BCO2: variants seen among roughly 807,000 people sequenced by gnomAD.
BCO2 encodes beta-carotene oxygenase 2, also known as carotenoid-cleaving dioxygenase, mitochondrial.
In BCO2, 56 loss-of-function variants were observed where a neutral mutation model predicts 65.8. The observed-to-expected ratio is 0.85, with a 90% CI of 0.69 to 1.06. The LOEUF is 1.06. Ranked by LOEUF, BCO2 falls within the 50% of genes least tolerant of loss-of-function variation. The pLI, the probability that BCO2 is intolerant of heterozygous loss-of-function variation, is 0.00. For synonymous variants in BCO2, 233 were observed against 242.3 expected (o/e 0.96, Z 0.36); for missense variants, 675 against 698.5 (o/e 0.97, Z 0.38).
chr11:112,184,667 T>C (rs1171564424), intron 2 of BCO2, among the ~76,000 whole-genome samples: 4 of 152,162 alleles, frequency 2.6e-5, no homozygotes, highest in African/African-American at 9.7e-5. Flanking sequence ...TCAGCACCTG[T>C]GATTCTTTTA....
chr11:112,200,516 A>G (rs1007962812), intron 6 of BCO2, 97 bp from the exon 7 acceptor site: 2 of 1,067,562 alleles, frequency 1.9e-6, no homozygotes, highest in Non-Finnish European at 2.7e-6. Context: ...GGCATCAGTA[A>G]CGTGTCCAGG....
At position 112,217,817 on chromosome 11, in the gene BCO2, A is replaced by T; in HGVS notation, c.1683A>T (p.Arg561=). 2 of 1,614,206 alleles carry T rather than the reference A, an allele frequency of 1.2e-6. No individual in the cohort carries two copies. Among genetic ancestry groups the T allele is most frequent in the Non-Finnish European group, 1.7e-6 (2 of 1,180,018 alleles). Residue 561 remains arginine (R), a synonymous_variant, in exon 12 of 12, where the codon CGA becomes CGT. Transcript: ENST00000357685. ...CCAAGAACTTTGAAGAGCTGGGCCG[A>T]GCAGAGGTACCTGTGCAGATGCCTT... ...LDAKNFEELG[R]AEVPVQMPYG...
chr11:112,176,514 T>TTGCG (rs1866884732), intron 1 of BCO2: 1 of 2,544 alleles, frequency 3.9e-4, no homozygotes, highest in Non-Finnish European at 1.5e-3. Context: ...GAAAATTGAT[T>TTGCG]GGCGGGGGGG....
At chr11:112,216,898 G>T (rs1189318748) in intron 11 of BCO2, among the ~76,000 whole-genome samples, 2 of 152,204 alleles carry the variant, frequency 1.3e-5, no homozygotes, top group Non-Finnish European at 1.5e-5. Flanking sequence ...TGCCTGGGGT[G>T]CAGGGCTCTG....
intron 5 of BCO2, among the ~76,000 whole-genome samples, chr11:112,197,321 G>A (rs1212956870): frequency 6.6e-6 from 1 of 152,112 alleles, no homozygotes; most frequent in Non-Finnish European, 1.5e-5. Flanking sequence ...GGCCAAGGCG[G>A]GTGTATTGCT....
intron 5 of BCO2, among the ~76,000 whole-genome samples, chr11:112,196,889 G>A (rs1867592806): frequency 2.2e-5 from 3 of 138,086 alleles, no homozygotes. Context: ...TCTCTTCCTT[G>A]TTCTCCTTCC....
chr11:112,196,911 TCCTTCCTTC>T (rs1867595184), intron 5 of BCO2, among the ~76,000 whole-genome samples: 1 of 127,086 alleles, frequency 7.9e-6, no homozygotes, highest in Non-Finnish European at 1.7e-5. Context: ...TTCCTTCCTT[TCCTTCCTTC>T]CCTTCCCTTC....
rs567175399 is a variant in BCO2, at chr11:112,206,618, A to C, written c.1194+4428A>C. Among the ~76,000 whole-genome samples, 489 of 152,250 alleles carry C rather than the reference A, an allele frequency of 3.2e-3. 2 individuals are homozygous for C. The highest frequency in any genetic ancestry group is 0.011 in the African/African-American group (471 of 41,540). On this transcript the variant is annotated intron_variant, in intron 8 of 11. Coordinates refer to ENST00000357685, the MANE Select transcript of BCO2 (RefSeq NM_031938.7). The stretch of plus-strand genomic sequence containing the variant: ...TACAAAAAAATTTAAAAATATACAA[A>C]TTTTGAGTATAATTCCTTATTGGAT...
intron 5 of BCO2, among the ~76,000 whole-genome samples, chr11:112,198,364 T>C (rs1867637042): frequency 6.6e-6 from 1 of 151,712 alleles, no homozygotes; most frequent in Non-Finnish European, 1.5e-5. Context: ...AGGGGGGAGA[T>C]TTTTGTCTAT....
At chr11:112,209,233 G>A (rs1253149077) in intron 8 of BCO2, among the ~76,000 whole-genome samples, 4 of 152,098 alleles carry the variant, frequency 2.6e-5, no homozygotes, top group Admixed American at 6.5e-5. Flanking sequence ...ATCTCCCTGT[G>A]CTCCCCCATT....
chr11:112,187,016 G>A (rs1304041910), intron 2 of BCO2, among the ~76,000 whole-genome samples: 2 of 152,074 alleles, frequency 1.3e-5, no homozygotes, highest in African/African-American at 2.4e-5. Context: ...CTTCGACAAG[G>A]CCACATACTA....
At chr11:112,205,951 TTTAA>T (rs1024934697) in intron 8 of BCO2, among the ~76,000 whole-genome samples, 79 of 152,008 alleles carry the variant, frequency 5.2e-4, no homozygotes, top group African/African-American at 1.9e-3. Flanking sequence ...TTTATTTATT[TTTAA>T]TTAATTAATT....
chr11:112,196,909 T>TTTCC (rs372358287), intron 5 of BCO2, among the ~76,000 whole-genome samples: 1 of 138,150 alleles, frequency 7.2e-6, no homozygotes. Context: ...CTTTCCTTCC[T>TTTCC]TTCCTTCCTT....
In BCO2 at chr11:112,196,906, TCCTTTCCTTCCTTCCCTTC is replaced by T. The variant is rs1364893870; in HGVS notation, c.736+2156_736+2174del. Among the ~76,000 whole-genome samples the T allele has an allele frequency of 3.5e-5, 5 of 142,342 alleles. No individual in the cohort carries two copies. In the South Asian group the frequency reaches 6.7e-4, roughly 19 times the overall value. The allele number at this position is 142,342 out of a possible 152,430, so 93.4% of individuals were successfully genotyped here. On this transcript the variant is annotated intron_variant, in intron 5 of 11. Transcript: ENST00000357685. ...TCTTCCTTGTTCTCCTTCCTTTCCT[TCCTTTCCTTCCTTCCCTTC>T]CCTTCCCTTCCCTTCCCTTCCCTTC... is the stretch of plus-strand genomic sequence containing the variant.
At position 112,179,318 on chromosome 11, in the gene BCO2, C is replaced by T. The variant is rs370306872; in HGVS notation, c.129C>T (p.Ala43=). Residue 43 remains alanine, a synonymous_variant, in exon 2 of 12, where the codon GCC becomes GCT. Transcript: ENST00000357685. ...RYMGNTPQKK[A]VFGQCRGLPC... is the part of the protein sequence containing the mutation. ...TGGGAAATACTCCTCAGAAAAAAGC[C>T]GTCTTTGGGCAGTGTCGGGGTCTGC... 1.9e-5 allele frequency: 30 copies of T among 1,614,120 alleles called. No homozygotes were observed. In the East Asian group the frequency reaches 4.7e-4, roughly 25 times the overall value.
At position 112,200,696 on chromosome 11, in the gene BCO2, A is replaced by C. The variant is rs1435721168; in HGVS notation, c.949A>C (p.Lys317Gln). 1.2e-6 allele frequency: 2 copies of C among 1,613,794 alleles called. No individual in the cohort carries two copies. The highest frequency in any genetic ancestry group is 4.5e-5 in the East Asian group (2 of 44,862). Residue 317 changes from lysine (K) to glutamine (Q), a missense_variant, in exon 7 of 12, where the codon AAG (lysine) becomes CAG (glutamine). By Grantham distance (53) the Lys-to-Gln change is moderately conservative. Coordinates refer to ENST00000357685, the MANE Select transcript of BCO2 (RefSeq NM_031938.7). ...WKIATSKIRG[K>Q]AFSDGISWEP... ...AATTGCCACTTCTAAAATTCGGGGA[A>C]AGGCCTTTTCAGATGGGATAAGCTG...
chr11:112,182,758 T>C (rs1867089744), intron 2 of BCO2: 2 of 562,756 alleles, frequency 3.6e-6, no homozygotes, highest in Non-Finnish European at 6.2e-6. Flanking sequence ...ATGTAAATGA[T>C]GAGTTAATGG....
rs146039247 is a variant in BCO2 at position 112,193,789 on chromosome 11, A to G, written c.518-90A>G. 208 of 1,490,046 alleles carry G rather than the reference A, an allele frequency of 1.4e-4. 1 individual carries two copies. The African/African-American group carries it at 1.7e-3, about 12-fold the overall frequency. 92.3% of individuals were successfully genotyped at this position (1,490,046 alleles called of 1,614,324 possible). ...TAGATTTTTTTGTGTATGTGAGAGG[A>G]TGTTGAAACTGCTTTCTCCCTTTGA... On this transcript the variant is annotated intron_variant, in intron 3 of 11. Coordinates refer to ENST00000357685, the MANE Select transcript of BCO2 (RefSeq NM_031938.7).
At chr11:112,198,408 T>C (rs1214070860) in intron 5 of BCO2, among the ~76,000 whole-genome samples, 5 of 152,028 alleles carry the variant, frequency 3.3e-5, no homozygotes, top group African/African-American at 9.7e-5. Flanking sequence ...GCCTAGAATA[T>C]AGTACTAAGA....
Sources: allele counts gnomAD v4.1 joint callset (sites outside exome capture counted in the v4.1 genomes callset), GRCh38; gene constraint gnomAD v4.1.1; transcripts MANE v1.5; gene names NCBI Gene and HGNC (gene_info 2026-07-23, HGNC 2026-07-21).